The following ALDH3B1 variants were observed in gnomAD, a reference collection of about 807,000 sequenced individuals.
ALDH3B1 encodes the protein aldehyde dehydrogenase family 3 member B1.
Under a neutral mutation model 46.2 loss-of-function variants are expected in ALDH3B1, and 37 were observed. The observed-to-expected ratio is 0.80, with a 90% CI of 0.62 to 1.05. ALDH3B1 has a LOEUF of 1.05. Among genes scored for constraint, ALDH3B1 ranks in the 50% least tolerant of loss-of-function variants. The probability of loss-of-function intolerance (pLI) is 0.00; values close to 1 mark genes in which losing one functional copy is unlikely to be tolerated. For synonymous variants in ALDH3B1, 283 were observed against 281.0 expected (o/e 1.01, Z -0.07); for missense variants, 603 against 665.5 (o/e 0.91, Z 1.03).
At chr11:68,018,999 G>A (rs1485238627) in intron 4 of ALDH3B1, 106 bp downstream of exon 4, 26 of 1,480,076 alleles carry the variant, frequency 1.8e-5, no homozygotes, top group Non-Finnish European at 2.3e-5. Flanking sequence ...GTGGCAAAGA[G>A]GACTGTCTGG....
chr11:68,027,631 C>T (rs1857660122), intron 9 of ALDH3B1, 118 bp from the exon 10 acceptor site: 5 of 1,095,104 alleles, frequency 4.6e-6, no homozygotes, highest in East Asian at 2.6e-5. Flanking sequence ...CATGATCAGC[C>T]CACTGGACAG....
intron 8 of ALDH3B1, among the ~76,000 whole-genome samples, chr11:68,023,848 C>T (rs556565111): frequency 4.3e-4 from 65 of 151,708 alleles, no homozygotes; most frequent in Non-Finnish European, 7.8e-4. Context: ...TTGAGACCAG[C>T]GCTGGCAATA....
intron 9 of ALDH3B1, among the ~76,000 whole-genome samples, chr11:68,026,922 T>TCCCCAG (rs1320540128): frequency 4.0e-5 from 6 of 151,814 alleles, no homozygotes; most frequent in African/African-American, 7.3e-5. Flanking sequence ...CCTAGCTGCC[T>TCCCCAG]CCCCAGCCCC....
intron 6 of ALDH3B1, 101 bp downstream of exon 6, chr11:68,019,897 CCTCTCT>C (rs4646811): frequency 1.9e-5 from 23 of 1,190,534 alleles, no homozygotes; most frequent in Middle Eastern, 2.0e-4. Context: ...ACTGAATTCT[CCTCTCT>C]CTCTCTCTCT....
At chr11:68,011,588 C>T (rs1347853033) in intron 1 of ALDH3B1, among the ~76,000 whole-genome samples, 5 of 152,230 alleles carry the variant, frequency 3.3e-5, no homozygotes, top group African/African-American at 7.2e-5. Flanking sequence ...AGATCAGAAT[C>T]GGAGACCCTG....
chr11:68,016,488 C>T (rs1170054896), intron 2 of ALDH3B1: 2 of 152,532 alleles, frequency 1.3e-5, no homozygotes, highest in East Asian at 3.8e-4. Context: ...TCTGTCTAGA[C>T]CCTGAAGGCT....
intron 1 of ALDH3B1, among the ~76,000 whole-genome samples, chr11:68,013,354 C>G (rs1344344660): frequency 6.6e-6 from 1 of 152,150 alleles, no homozygotes. Context: ...CCACAGAGCT[C>G]CCGGCCCACA....
Position 68,028,583 on chromosome 11 carries a change from A to G in ALDH3B1, c.*644A>G, listed in dbSNP as rs1305230305. ...TCCCAGCTACTCAGGAGGCTAAGGCAGGAGAATCGCTTGAACCCGGGAGGT... is the reference window on the plus strand; with the variant it reads ...TCCCAGCTACTCAGGAGGCTAAGGCGGGAGAATCGCTTGAACCCGGGAGGT... On this transcript the variant is annotated 3_prime_UTR_variant, in exon 10 of 10. Transcript: ENST00000342456. 6.4e-6 allele frequency: 1 copy of G among 156,386 alleles called. No individual in the cohort carries two copies. The highest frequency in any genetic ancestry group is 1.9e-4 in the East Asian group (1 of 5,264). The allele number at this position is 156,386 out of a possible 1,614,324, so 9.7% of individuals were successfully genotyped here. A position where few individuals can be genotyped will look rare whatever the true frequency, so the allele number is the denominator to read the frequency against.
intron 1 of ALDH3B1, 178 bp from the exon 2 acceptor site, chr11:68,015,119 C>A (rs1857316725): frequency 5.0e-6 from 3 of 602,914 alleles, no homozygotes; most frequent in Non-Finnish European, 8.2e-6. Flanking sequence ...GGGTTGCAGG[C>A]AGCCTCAGTC....
Position 68,018,587 on chromosome 11 carries a change from C to G in ALDH3B1, c.223C>G (p.Leu75Val). Residue 75 changes from leucine (L) to valine (V), a missense_variant, in exon 3 of 10, where the codon CTC becomes GTC. Physicochemically the swap from Leu to Val is conservative, Grantham distance 32. Coordinates refer to ENST00000342456, the MANE Select transcript of ALDH3B1 (RefSeq NM_000694.4). ...AISQGEVTLA[L>V]RNLRAWMKDE... ...CAGCCAGGGCGAGGTCACCCTGGCCCTCAGGAACCTCCGGGCCTGGATGAA... is the reference window on the plus strand; with the variant it reads ...CAGCCAGGGCGAGGTCACCCTGGCCGTCAGGAACCTCCGGGCCTGGATGAA... The G allele has an allele frequency of 6.3e-7, 1 of 1,583,730 alleles. No individual in the cohort carries two copies. Among genetic ancestry groups the G allele is most frequent in the Non-Finnish European group, 8.6e-7 (1 of 1,165,496 alleles).
rs780929250 is a variant in ALDH3B1, at chr11:68,018,643, C to T, written c.273+6C>T. ...AGCGTGTGCCCAAGAACCTGGTGAG[C>T]CGGCCGGGCTGAGGCGGGCAGGGGG... is the stretch of plus-strand genomic sequence containing the variant. On this transcript the variant is annotated splice_donor_region_variant and intron_variant, in intron 3 of 9. Transcript: ENST00000342456. 2.6e-6 allele frequency: 4 copies of T among 1,566,148 alleles called. No homozygotes were observed. In the South Asian group the frequency reaches 4.7e-5, roughly 18 times the overall value.
At chr11:68,018,965 G>A (rs1214542544) in intron 4 of ALDH3B1, 72 bp downstream of exon 4, 1 of 1,507,438 alleles carries the variant, frequency 6.6e-7, no homozygotes, top group Non-Finnish European at 8.9e-7. Flanking sequence ...TGGATCCCAG[G>A]AGGACATGGG....
At chr11:68,027,710 C>G (rs549268172) in intron 9 of ALDH3B1, 39 bp from the exon 10 acceptor site, 4 of 1,546,048 alleles carry the variant, frequency 2.6e-6, no homozygotes, top group East Asian at 4.9e-5. Context: ...CTAGGAGACC[C>G]CCAGCGCCTG....
rs771949523 is a variant in ALDH3B1, at chr11:68,022,743, C to T, written c.1098C>T (p.Ala366=). 6.2e-6 allele frequency: 10 copies of T among 1,613,996 alleles called. No individual in the cohort carries two copies. The East Asian group carries it at 1.8e-4, about 29-fold the overall frequency. Residue 366 remains alanine, a synonymous_variant, in exon 8 of 10, where the codon GCC becomes GCT. Coordinates refer to ENST00000342456, the MANE Select transcript of ALDH3B1 (RefSeq NM_000694.4). ...NRREKPLALY[A]FSNSSQVVKR... ...GGGAGAAGCCCCTGGCCCTGTACGC[C>T]TTCTCCAACAGCAGCCAGGTGGGGG...
Position 68,019,184 on chromosome 11 carries a change from C to T in ALDH3B1, c.409C>T (p.Leu137=), listed in dbSNP as rs1365364447. 1.2e-6 allele frequency: 2 copies of T among 1,612,792 alleles called. No homozygotes were observed. Among genetic ancestry groups the T allele is most frequent in the Non-Finnish European group, 1.7e-6 (2 of 1,179,556 alleles). Residue 137 remains leucine (L), a synonymous_variant, in exon 5 of 10, where the codon CTG becomes TTG. Coordinates refer to ENST00000342456, the MANE Select transcript of ALDH3B1 (RefSeq NM_000694.4). ...GALAAGNCVV[L]KPSEISKNVE... ...CTGCCCTGCAGGGAACTGTGTGGTG[C>T]TGAAGCCATCGGAGATTAGCAAGAA...
chr11:68,028,113 C>T lies in ALDH3B1; in HGVS notation c.*174C>T, dbSNP rs551064911. 6.4e-5 allele frequency: 58 copies of T among 909,176 alleles called. No individual in the cohort carries two copies. Among genetic ancestry groups the T allele is most frequent in the South Asian group, 1.7e-4 (13 of 76,114 alleles). 56.3% of individuals were successfully genotyped at this position (909,176 alleles called of 1,614,324 possible). A position where few individuals can be genotyped will look rare whatever the true frequency, so the allele number is the denominator to read the frequency against. On this transcript the variant is annotated 3_prime_UTR_variant, in exon 10 of 10. Transcript: ENST00000342456. ...GGGTCTTCCCTCTCCCTGCCTCAGC[C>T]TCCTCCCTCAGCCGCTCCCAACCAT...
chr11:68,009,979 C>T (rs1286660778), upstream of ALDH3B1, among the ~76,000 whole-genome samples: 1 of 152,178 alleles, frequency 6.6e-6, no homozygotes, highest in Non-Finnish European at 1.5e-5. Flanking sequence ...ATAATTAATA[C>T]AATAATAGTT....
At chr11:68,010,918 C>A (rs557592452) in intron 1 of ALDH3B1, among the ~76,000 whole-genome samples, 1 of 152,214 alleles carries the variant, frequency 6.6e-6, no homozygotes, top group Non-Finnish European at 1.5e-5. Context: ...AGCCCCGCCC[C>A]GCCTGCAGGA....
chr11:68,018,778 G>A lies in ALDH3B1; in HGVS notation c.279G>A (p.Thr93=), dbSNP rs376553943. 37 of 1,553,206 alleles carry A rather than the reference G, an allele frequency of 2.4e-5. No homozygotes were observed. The highest frequency in any genetic ancestry group is 9.8e-5 in the Admixed American group (5 of 51,154). The stretch of plus-strand genomic sequence containing the variant: ...ATCCCCGGCTCCCGGCCCAGGCCAC[G>A]CAGCTGGACTCCGCCTTCATCCGGA... ...KDERVPKNLA[T]QLDSAFIRKE... The change falls in exon 4 of 10, where the codon ACG becomes ACA. Residue 93 remains threonine (T), a synonymous_variant. Coordinates refer to ENST00000342456, the MANE Select transcript of ALDH3B1 (RefSeq NM_000694.4).
Sources: allele counts gnomAD v4.1 joint callset (sites outside exome capture counted in the v4.1 genomes callset), GRCh38; gene constraint gnomAD v4.1.1; transcripts MANE v1.5; gene names NCBI Gene and HGNC (gene_info 2026-07-23, HGNC 2026-07-21).